Variants in GPC5 observed in about 807,000 individuals in gnomAD.
GPC5 encodes glypican 5.
In GPC5, 47 loss-of-function variants were observed where a neutral mutation model predicts 53.9. The ratio of observed to expected loss-of-function variants is 0.87; its 90% CI spans 0.69 to 1.11. The LOEUF (loss-of-function observed/expected upper bound fraction) is 1.11, where lower values mean the gene tolerates loss of function less well. Among genes scored for constraint, GPC5 ranks in the 50% most tolerant of loss-of-function variants. The pLI, the probability that GPC5 is intolerant of heterozygous loss-of-function variation, is 0.00. For missense variants in GPC5, 748 were observed against 713.1 expected (o/e 1.05, Z -0.56); for synonymous variants, 286 against 263.3 (o/e 1.09, Z -0.84).
At chr13:92,745,323 C>T (rs1158630206) in intron 7 of GPC5, among the ~76,000 whole-genome samples, 2 of 152,096 alleles carry the variant, frequency 1.3e-5, no homozygotes, top group African/African-American at 2.4e-5. Flanking sequence ...ATACTTCCAA[C>T]ACACTGGGTG....
At chr13:92,347,322 G>A (rs1000269360) in intron 7 of GPC5, among the ~76,000 whole-genome samples, 1 of 152,110 alleles carries the variant, frequency 6.6e-6, no homozygotes, top group African/African-American at 2.4e-5. Flanking sequence ...ATACAAAGAA[G>A]TGTCACTATC....
intron 7 of GPC5, among the ~76,000 whole-genome samples, chr13:92,471,531 G>C (rs1314050302): frequency 1.6e-5 from 2 of 125,044 alleles, no homozygotes; most frequent in African/African-American, 7.2e-5. Flanking sequence ...TTTATAATAA[G>C]GAACGTACAT....
chr13:92,744,514 A>G (rs952570284), intron 7 of GPC5, among the ~76,000 whole-genome samples: 2 of 151,922 alleles, frequency 1.3e-5, no homozygotes, highest in African/African-American at 4.8e-5. Context: ...AAAAAAAAAA[A>G]AACCAGAACA....
chr13:92,100,363 C>T (rs1396730794), intron 6 of GPC5, among the ~76,000 whole-genome samples: 1 of 152,134 alleles, frequency 6.6e-6, no homozygotes, highest in African/African-American at 2.4e-5. Context: ...GATCACAGCA[C>T]TGCACTCCAG....
chr13:92,086,741 C>T (rs960963599), intron 6 of GPC5, among the ~76,000 whole-genome samples: 25 of 152,190 alleles, frequency 1.6e-4, no homozygotes, highest in East Asian at 1.2e-3. Context: ...TCACCACAAC[C>T]TCCACCTCCC....
intron 7 of GPC5, among the ~76,000 whole-genome samples, chr13:92,527,146 A>AAG (rs1181970720): frequency 7.8e-6 from 1 of 127,444 alleles, no homozygotes; most frequent in East Asian, 2.2e-4. Context: ...GAAAGAAAGA[A>AAG]AGAAAGAAAG....
chr13:92,393,471 G>C (rs573005378), intron 7 of GPC5, among the ~76,000 whole-genome samples: 1 of 152,034 alleles, frequency 6.6e-6, no homozygotes, highest in Non-Finnish European at 1.5e-5. Flanking sequence ...CCAACATGGC[G>C]AAACCCTGTC....
intron 5 of GPC5, among the ~76,000 whole-genome samples, chr13:91,905,293 CTCTA>C (rs896106747): frequency 4.0e-5 from 6 of 151,712 alleles, no homozygotes; most frequent in Non-Finnish European, 7.4e-5. Flanking sequence ...CTCTTTCTCT[CTCTA>C]TCTCTCTCTA....
intron 7 of GPC5, among the ~76,000 whole-genome samples, chr13:92,864,092 T>C (rs574578940): frequency 2.0e-5 from 3 of 152,354 alleles, no homozygotes; most frequent in East Asian, 3.9e-4. Flanking sequence ...AAAATAATCA[T>C]TGCATCAAAT....
intron 3 of GPC5, among the ~76,000 whole-genome samples, chr13:91,722,258 T>C (rs2036489788): frequency 6.6e-6 from 1 of 152,208 alleles, no homozygotes; most frequent in African/African-American, 2.4e-5. Context: ...CAAATTAGTC[T>C]ACAATTATGG....
At chr13:92,160,728 A>G (rs77590093) in intron 7 of GPC5, among the ~76,000 whole-genome samples, 4,239 of 152,268 alleles carry the variant, frequency 0.028, 97 homozygotes, top group Non-Finnish European at 0.045. Context: ...CATAGAGCCA[A>G]CTCTACAGAA....
At chr13:92,339,977 G>A (rs747443477) in intron 7 of GPC5, 2 of 151,286 alleles carry the variant, frequency 1.3e-5, no homozygotes, top group Non-Finnish European at 3.0e-5. Flanking sequence ...AAATATGCAG[G>A]GTATCTGTAC....
chr13:91,671,761 T>C (rs2035248059), intron 2 of GPC5, among the ~76,000 whole-genome samples: 1 of 79,730 alleles, frequency 1.3e-5, no homozygotes, highest in Non-Finnish European at 2.3e-5. Context: ...AGACCCTGTA[T>C]AGCCAAGACA....
intron 7 of GPC5, among the ~76,000 whole-genome samples, chr13:92,865,725 G>A (rs1879315564): frequency 6.6e-6 from 1 of 151,840 alleles, no homozygotes; most frequent in African/African-American, 2.4e-5. Context: ...CATTCCTCCT[G>A]GTATACTTGT....
At chr13:92,112,525 C>T (rs556183712) in intron 6 of GPC5, among the ~76,000 whole-genome samples, 1 of 152,148 alleles carries the variant, frequency 6.6e-6, no homozygotes, top group East Asian at 1.9e-4. Context: ...AACTGCTCAT[C>T]GAATTTGAAT....
At chr13:91,777,223 T>C (rs995461800) in intron 5 of GPC5, among the ~76,000 whole-genome samples, 16 of 152,264 alleles carry the variant, frequency 1.1e-4, no homozygotes, top group African/African-American at 3.6e-4. Context: ...TAGCATTCAA[T>C]GAAAGTGGAA....
chr13:91,989,620 TAGTC>T (rs1327557846), intron 6 of GPC5, among the ~76,000 whole-genome samples: 2 of 152,154 alleles, frequency 1.3e-5, no homozygotes, highest in Non-Finnish European at 1.5e-5. Flanking sequence ...GTACTAGAAA[TAGTC>T]AGGTAAATAT....
intron 7 of GPC5, among the ~76,000 whole-genome samples, chr13:92,149,229 G>T (rs35317431): frequency 0.052 from 7,887 of 151,926 alleles, 286 homozygotes; most frequent in Non-Finnish European, 0.084. Context: ...CTTTTATCAT[G>T]TCTATTGACA....
chr13:92,259,044 A>T (rs2042746767), intron 7 of GPC5, among the ~76,000 whole-genome samples: 1 of 152,224 alleles, frequency 6.6e-6, no homozygotes, highest in Non-Finnish European at 1.5e-5. Flanking sequence ...GTATAAAATT[A>T]CAATGCTGCT....
Sources: gnomAD v4.1 joint callset for allele counts (sites outside exome capture counted in the v4.1 genomes callset) on GRCh38, gnomAD v4.1.1 for gene constraint, MANE v1.5 for transcripts, NCBI Gene and HGNC (gene_info 2026-07-23, HGNC 2026-07-21) for gene names.